KLHL2: variants seen among roughly 807,000 people sequenced by gnomAD.
The protein encoded by KLHL2 is kelch-like protein 2.
A neutral mutation model predicts 75.8 loss-of-function variants in KLHL2; 15 were observed. The ratio of observed to expected loss-of-function variants is 0.20; its 90% CI spans 0.13 to 0.30. The LOEUF (loss-of-function observed/expected upper bound fraction) is 0.30. Among genes scored for constraint, KLHL2 ranks in the 10% least tolerant of loss-of-function variants. The pLI is 1.00. For missense variants in KLHL2, 381 were observed against 741.0 expected (o/e 0.51, Z 5.64); for synonymous variants, 214 against 251.9 (o/e 0.85, Z 1.42).
At chr4:165,267,420 C>T (rs1471835027) in intron 5 of KLHL2, among the ~76,000 whole-genome samples, 2 of 152,000 alleles carry the variant, frequency 1.3e-5, no homozygotes, top group African/African-American at 4.8e-5. Context: ...CCAGTTTTTG[C>T]CCATTCAGTA....
chr4:165,249,623 G>A lies in KLHL2; in HGVS notation c.381+10724G>A, dbSNP rs183934568. On this transcript the variant is annotated intron_variant, in intron 4 of 14. Coordinates refer to ENST00000226725, the MANE Select transcript of KLHL2 (RefSeq NM_007246.4). ...AACTCTGACAAATAATTGCTCTTTG[G>A]ATAACCCATTTCTGAATTTTTTTGT... Among the ~76,000 whole-genome samples, 22 of 152,180 alleles carry A rather than the reference G, an allele frequency of 1.4e-4. No homozygotes were observed. In the East Asian group the frequency reaches 3.9e-3, roughly 27 times the overall value.
At chr4:165,257,812 C>G (rs1741306863) in intron 4 of KLHL2, among the ~76,000 whole-genome samples, 1 of 151,904 alleles carries the variant, frequency 6.6e-6, no homozygotes, top group Admixed American at 6.6e-5. Flanking sequence ...AGACGTGATC[C>G]TACTGCCACA....
intron 5 of KLHL2, among the ~76,000 whole-genome samples, chr4:165,292,841 G>A (rs1744619107): frequency 6.6e-6 from 1 of 152,086 alleles, no homozygotes. Context: ...GGTTCATTGT[G>A]ACGACCTAGA....
rs1747031289 is a variant in KLHL2 at position 165,322,125 on chromosome 4, G to A, written c.*65G>A. 1 of 1,426,086 alleles carries A rather than the reference G, an allele frequency of 7.0e-7. No individual in the cohort carries two copies. The highest frequency in any genetic ancestry group is 1.4e-5 in the African/African-American group (1 of 71,086). 88.3% of individuals were successfully genotyped at this position (1,426,086 alleles called of 1,614,324 possible). A position where few individuals can be genotyped will look rare whatever the true frequency, so the allele number is the denominator to read the frequency against. ...AGCCTTCAACAAGTATTTGTGAAGT[G>A]ACTGAGAATCTAGCACTTCTCCACT... On this transcript the variant is annotated 3_prime_UTR_variant, in exon 15 of 15. Coordinates refer to ENST00000226725, the MANE Select transcript of KLHL2 (RefSeq NM_007246.4).
At chr4:165,269,933 C>G (rs12512118) in intron 5 of KLHL2, among the ~76,000 whole-genome samples, 6 of 150,190 alleles carry the variant, frequency 4.0e-5, no homozygotes, top group Admixed American at 1.3e-4. Flanking sequence ...TGGTTCCATT[C>G]TCCCCATAAC....
intron 8 of KLHL2, among the ~76,000 whole-genome samples, chr4:165,302,727 T>C (rs1745435798): frequency 6.6e-6 from 1 of 152,196 alleles, no homozygotes; most frequent in South Asian, 2.1e-4. Flanking sequence ...CCAGTATATT[T>C]ATTGAAGTTT....
intron 8 of KLHL2, among the ~76,000 whole-genome samples, chr4:165,302,253 G>A (rs985278494): frequency 2.6e-5 from 4 of 152,154 alleles, no homozygotes; most frequent in African/African-American, 9.7e-5. Flanking sequence ...TGCTGGTGAT[G>A]AACAATTTTC....
At chr4:165,300,630 G>T (rs1043502258) in intron 8 of KLHL2, among the ~76,000 whole-genome samples, 1 of 152,132 alleles carries the variant, frequency 6.6e-6, no homozygotes, top group African/African-American at 2.4e-5. Flanking sequence ...TTCTGTCTCT[G>T]TTGGCAATTC....
In KLHL2 at chr4:165,314,030, T is replaced by C. The variant is rs754647738; in HGVS notation, c.1473T>C (p.Val491=). 1 of 1,612,554 alleles carries C rather than the reference T, an allele frequency of 6.2e-7. No individual in the cohort carries two copies. The highest frequency in any genetic ancestry group is 8.5e-7 in the Non-Finnish European group (1 of 1,179,288). ...EMSTRRSGAG[V]GVLNNLLYAV... ...TTGGCTGGTTGTGTTTTATAGGTGT[T>C]GGTGTGTTAAACAATTTATTGTATG... Residue 491 remains valine (V), a synonymous_variant, in exon 13 of 15, where the codon GTT becomes GTC. Coordinates refer to ENST00000226725, the MANE Select transcript of KLHL2 (RefSeq NM_007246.4).
At chr4:165,234,739 T>C (rs1323612295) in intron 3 of KLHL2, among the ~76,000 whole-genome samples, 6 of 150,604 alleles carry the variant, frequency 4.0e-5, no homozygotes, top group Non-Finnish European at 5.9e-5. Context: ...CTCAGCCTCC[T>C]GAGTAGCTGG....
At chr4:165,239,564 G>C (rs1387719604) in intron 4 of KLHL2, among the ~76,000 whole-genome samples, 1 of 152,110 alleles carries the variant, frequency 6.6e-6, no homozygotes. Context: ...CATATGCCCA[G>C]CCTATTCTTT....
At chr4:165,218,045 A>C (rs1737672675) in intron 1 of KLHL2, among the ~76,000 whole-genome samples, 1 of 152,108 alleles carries the variant, frequency 6.6e-6, no homozygotes, top group Non-Finnish European at 1.5e-5. Flanking sequence ...CTGTATCTTC[A>C]AAATGTCCAG....
At chr4:165,300,477 C>T (rs1745264984) in intron 8 of KLHL2, among the ~76,000 whole-genome samples, 1 of 152,128 alleles carries the variant, frequency 6.6e-6, no homozygotes, top group South Asian at 2.1e-4. Flanking sequence ...CATATGTAGC[C>T]ATTTCAGCAT....
At chr4:165,275,381 T>G (rs13115462) in intron 5 of KLHL2, among the ~76,000 whole-genome samples, 1 of 152,136 alleles carries the variant, frequency 6.6e-6, no homozygotes, top group Non-Finnish European at 1.5e-5. Context: ...TTAGATGCAT[T>G]TTAATAGTTC....
At chr4:165,275,589 A>T (rs1022963903) in intron 5 of KLHL2, among the ~76,000 whole-genome samples, 3 of 152,170 alleles carry the variant, frequency 2.0e-5, no homozygotes. Context: ...TCTTTGGGGA[A>T]GTTTGTGGTA....
In KLHL2 at chr4:165,263,404, G is replaced by A. The variant is rs147343363; in HGVS notation, c.544+45G>A. The stretch of plus-strand genomic sequence containing the variant: ...GCTGAATTTGGGAGGAAACTGCTTG[G>A]TTTTTGATATGATTCCACAGTGGTC... On this transcript the variant is annotated intron_variant, in intron 5 of 14. Transcript: ENST00000226725. The A allele has an allele frequency of 2.9e-5, 47 of 1,600,824 alleles. No individual in the cohort carries two copies. The Admixed American group carries it at 7.8e-4, about 27-fold the overall frequency.
Position 165,228,361 on chromosome 4 carries a change from G to A in KLHL2, c.153-446G>A, listed in dbSNP as rs1405297775. 6.6e-5 allele frequency among the ~76,000 whole-genome samples: 10 copies of A among 150,622 alleles called. No homozygotes were observed. In the South Asian group the frequency reaches 1.3e-3, roughly 19 times the overall value. ...TTTTACCATTGCTTGATGAACTAGC[G>A]TCTTTTAAGATTTTTTTTTTTTTTG... is the stretch of plus-strand genomic sequence containing the variant. On this transcript the variant is annotated intron_variant, in intron 2 of 14. Transcript: ENST00000226725.
intron 1 of KLHL2, among the ~76,000 whole-genome samples, chr4:165,208,774 T>C (rs1737012177): frequency 6.6e-6 from 1 of 152,182 alleles, no homozygotes; most frequent in Non-Finnish European, 1.5e-5. Flanking sequence ...AAGAGTCCTT[T>C]GAATCTGACT....
intron 4 of KLHL2, among the ~76,000 whole-genome samples, chr4:165,260,309 G>A (rs1327215726): frequency 6.6e-6 from 1 of 152,052 alleles, no homozygotes; most frequent in African/African-American, 2.4e-5. Context: ...TTTATGTTTA[G>A]CATATATTTG....
Sources: gnomAD v4.1 joint callset for allele counts (sites outside exome capture counted in the v4.1 genomes callset) on GRCh38, gnomAD v4.1.1 for gene constraint, MANE v1.5 for transcripts, NCBI Gene and HGNC (gene_info 2026-07-23, HGNC 2026-07-21) for gene names.